The following PFDN4 variants were observed in gnomAD, a reference collection of about 807,000 sequenced individuals.
The protein encoded by PFDN4 is prefoldin 4.
A neutral mutation model predicts 17.6 loss-of-function variants in PFDN4; 6 were observed. That is an observed-to-expected ratio of 0.34 (90% CI 0.19 to 0.67). PFDN4 has a LOEUF of 0.67. PFDN4 is among the 30% of genes least tolerant of loss of function. The pLI is 0.68. For missense variants in PFDN4, 119 were observed against 158.4 expected (o/e 0.75, Z 1.33); for synonymous variants, 48 against 51.1 (o/e 0.94, Z 0.26).
chr20:54,209,098 G>A (rs2092752375), intron 1 of PFDN4, among the ~76,000 whole-genome samples: 1 of 152,186 alleles, frequency 6.6e-6, no homozygotes, highest in Non-Finnish European at 1.5e-5. Flanking sequence ...CAGTGTGCTA[G>A]GTACAGCTGT....
At chr20:54,213,945 G>C (rs1280854173) in intron 1 of PFDN4, among the ~76,000 whole-genome samples, 3 of 147,130 alleles carry the variant, frequency 2.0e-5, no homozygotes, top group Non-Finnish European at 4.5e-5. Flanking sequence ...TTAGCTCTAA[G>C]AAAAAAAAAA....
At chr20:54,212,817 A>G (rs1458362371) in intron 1 of PFDN4, among the ~76,000 whole-genome samples, 1 of 152,260 alleles carries the variant, frequency 6.6e-6, no homozygotes, top group Non-Finnish European at 1.5e-5. Flanking sequence ...CTTGTGTGCC[A>G]AGATATAGAC....
Position 54,208,091 on chromosome 20 carries a change from C to T in PFDN4, c.-10C>T. On this transcript the variant is annotated 5_prime_UTR_variant, in exon 1 of 4. Coordinates refer to ENST00000371419, the MANE Select transcript of PFDN4 (RefSeq NM_002623.4). Reference sequence around the variant, plus strand: ...GCCCTCCCCGCCGCCTGCGGTAGTCCAGTCCCAAGATGGCGGCCACCATGA... The same window carrying T: ...GCCCTCCCCGCCGCCTGCGGTAGTCTAGTCCCAAGATGGCGGCCACCATGA... 1 of 1,553,020 alleles carries T rather than the reference C, an allele frequency of 6.4e-7. No individual in the cohort carries two copies. Among genetic ancestry groups the T allele is most frequent in the Non-Finnish European group, 8.7e-7 (1 of 1,148,900 alleles).
chr20:54,216,896 C>T (rs565569963), intron 3 of PFDN4, among the ~76,000 whole-genome samples: 3 of 151,918 alleles, frequency 2.0e-5, no homozygotes, highest in East Asian at 1.9e-4. Flanking sequence ...ACCTCGTGCT[C>T]GTGATCCACC....
Position 54,219,521 on chromosome 20 carries a change from C to T in PFDN4, c.*371C>T, listed in dbSNP as rs866744985. 4.9e-5 allele frequency: 19 copies of T among 389,886 alleles called. No homozygotes were observed. Among genetic ancestry groups the T allele is most frequent in the East Asian group, 7.3e-5 (2 of 27,260 alleles). The allele number at this position is 389,886 out of a possible 1,614,324, so 24.2% of individuals were successfully genotyped here. A position where few individuals can be genotyped will look rare whatever the true frequency, so the allele number is the denominator to read the frequency against. On this transcript the variant is annotated 3_prime_UTR_variant, in exon 4 of 4. Transcript: ENST00000371419. ...TCTGATTTTAATTGCTGTCTAATGA[C>T]GGGGAAAGCACGATGAAAAGATGTA...
chr20:54,210,368 C>A (rs2092754141), intron 1 of PFDN4, among the ~76,000 whole-genome samples: 1 of 152,224 alleles, frequency 6.6e-6, no homozygotes, highest in African/African-American at 2.4e-5. Flanking sequence ...CACTTTTCCC[C>A]TTTGCCCTCA....
intron 2 of PFDN4, 104 bp downstream of exon 2, chr20:54,214,562 C>A: frequency 1.7e-6 from 1 of 582,704 alleles, no homozygotes. Flanking sequence ...CTGTTTGTTG[C>A]AGATGAATGA....
At chr20:54,210,700 C>T (rs2092754625) in intron 1 of PFDN4, among the ~76,000 whole-genome samples, 1 of 152,208 alleles carries the variant, frequency 6.6e-6, no homozygotes, top group Non-Finnish European at 1.5e-5. Flanking sequence ...GCCTCCTTCA[C>T]TCCCCAGGCC....
intron 3 of PFDN4, 60 bp downstream of exon 3, chr20:54,215,500 T>C: frequency 2.7e-6 from 3 of 1,106,868 alleles, no homozygotes; most frequent in African/African-American, 1.6e-5. Context: ...CATGTAATTA[T>C]AGATGTAGGG....
At chr20:54,212,326 G>A (rs2092757028) in intron 1 of PFDN4, among the ~76,000 whole-genome samples, 1 of 152,180 alleles carries the variant, frequency 6.6e-6, no homozygotes, top group Non-Finnish European at 1.5e-5. Flanking sequence ...ACTGTCTGCT[G>A]TAAATGGCAC....
chr20:54,214,293 A>C lies in PFDN4; in HGVS notation c.25-58A>C. 5.8e-6 allele frequency: 5 copies of C among 863,728 alleles called. No individual in the cohort carries two copies. The South Asian group carries it at 6.1e-5, about 11-fold the overall frequency. 53.5% of individuals were successfully genotyped at this position (863,728 alleles called of 1,614,324 possible). A position where few individuals can be genotyped will look rare whatever the true frequency, so the allele number is the denominator to read the frequency against. On this transcript the variant is annotated intron_variant, in intron 1 of 3. Transcript: ENST00000371419. ...ATTGAGTTATTGTTGAGAAATATAAAAAGCTAACTGATAACTTCTCCGTTA... is the reference window on the plus strand; with the variant it reads ...ATTGAGTTATTGTTGAGAAATATAACAAGCTAACTGATAACTTCTCCGTTA...
intron 3 of PFDN4, among the ~76,000 whole-genome samples, chr20:54,217,159 G>A (rs891798102): frequency 6.6e-6 from 1 of 151,616 alleles, no homozygotes; most frequent in African/African-American, 2.4e-5. Context: ...TGAGGATAGA[G>A]GTGGCTTTAA....
intron 1 of PFDN4, among the ~76,000 whole-genome samples, chr20:54,213,905 G>A (rs1199627244): frequency 6.6e-6 from 1 of 151,810 alleles, no homozygotes; most frequent in African/African-American, 2.4e-5. Context: ...AATGTACAGT[G>A]ACCCTTTAGC....
chr20:54,211,057 C>A (rs564843533), intron 1 of PFDN4, among the ~76,000 whole-genome samples: 1 of 152,292 alleles, frequency 6.6e-6, no homozygotes, highest in Non-Finnish European at 1.5e-5. Context: ...TGCACTCCAG[C>A]CTGGCGATAG....
chr20:54,217,942 A>G (rs1408955078), intron 3 of PFDN4, among the ~76,000 whole-genome samples: 4 of 152,188 alleles, frequency 2.6e-5, no homozygotes, highest in Admixed American at 2.6e-4. Context: ...GGGCTGAGGT[A>G]GGGCCCCAGA....
chr20:54,208,340 G>A (rs909865839), intron 1 of PFDN4: 35 of 447,752 alleles, frequency 7.8e-5, no homozygotes, highest in Non-Finnish European at 1.2e-4. Flanking sequence ...CGGGGCGCCG[G>A]GGCTGGGGCC....
At chr20:54,209,201 A>T (rs2092752518) in intron 1 of PFDN4, among the ~76,000 whole-genome samples, 1 of 152,184 alleles carries the variant, frequency 6.6e-6, no homozygotes, top group African/African-American at 2.4e-5. Context: ...CGCGGAGGCA[A>T]AGCTAGCATT....
In PFDN4 at chr20:54,214,393, A is replaced by C. The variant is rs1199361033; in HGVS notation, c.67A>C (p.Ile23Leu). 4.4e-6 allele frequency: 7 copies of C among 1,599,294 alleles called. No individual in the cohort carries two copies. The highest frequency in any genetic ancestry group is 5.1e-6 in the Non-Finnish European group (6 of 1,170,208). Residue 23 changes from isoleucine to leucine, a missense_variant, in exon 2 of 4, where the codon ATA becomes CTA. Transcript: ENST00000371419. Reference sequence around the variant, plus strand: ...TGTTACTTTCGAAGATCAACAAAAGATAAACAAATTTGCACGGAATACAAG... The same window carrying C: ...TGTTACTTTCGAAGATCAACAAAAGCTAAACAAATTTGCACGGAATACAAG... ...VNVTFEDQQKINKFARNTSRI... is the reference protein window; with the variant it reads ...VNVTFEDQQKLNKFARNTSRI...
intron 1 of PFDN4, among the ~76,000 whole-genome samples, chr20:54,210,202 T>C (rs553582854): frequency 6.6e-6 from 1 of 152,292 alleles, no homozygotes. Flanking sequence ...GTTTGAGCCA[T>C]GATGGGAAAA....
Sources: gnomAD v4.1 joint callset for allele counts (sites outside exome capture counted in the v4.1 genomes callset) on GRCh38, gnomAD v4.1.1 for gene constraint, MANE v1.5 for transcripts, NCBI Gene and HGNC (gene_info 2026-07-23, HGNC 2026-07-21) for gene names.